SMYD3: variants seen among roughly 807,000 people sequenced by gnomAD.
The protein encoded by SMYD3 is SET and MYND domain containing 3.
SMYD3 carries 36 observed loss-of-function variants against 57.7 expected under a neutral mutation model. The observed-to-expected ratio is 0.62, with a 90% CI of 0.48 to 0.82. SMYD3 has a LOEUF of 0.82. Ranked by LOEUF, SMYD3 falls within the 40% of genes least tolerant of loss-of-function variation. SMYD3 has a pLI of 0.00. For synonymous variants in SMYD3, 211 were observed against 195.0 expected, an observed-to-expected ratio of 1.08 and a Z score of -0.68; for missense variants, 515 against 538.8, an observed-to-expected ratio of 0.96 and a Z score of 0.44.
At chr1:246,016,959 G>A (rs1558153932) in intron 5 of SMYD3, among the ~76,000 whole-genome samples, 1 of 151,944 alleles carries the variant, frequency 6.6e-6, no homozygotes, top group African/African-American at 2.4e-5. Flanking sequence ...TTTGTACCTA[G>A]TTAAAAACCC....
intron 8 of SMYD3, among the ~76,000 whole-genome samples, chr1:245,908,581 T>C (rs2054744412): frequency 6.6e-6 from 1 of 152,244 alleles, no homozygotes; most frequent in African/African-American, 2.4e-5. Flanking sequence ...GATACATTAG[T>C]CCTCTAAACA....
chr1:245,961,539 A>AAACGGAAG (rs60094354), intron 5 of SMYD3, among the ~76,000 whole-genome samples: 2 of 152,154 alleles, frequency 1.3e-5, no homozygotes, highest in African/African-American at 4.8e-5. Flanking sequence ...CTGGAGGCCT[A>AAACGGAAG]AATCATCCTT....
chr1:245,927,849 A>C, intron 7 of SMYD3, 82 bp downstream of exon 7: 1 of 1,068,744 alleles, frequency 9.4e-7, no homozygotes, highest in Non-Finnish European at 1.4e-6. Flanking sequence ...CCCCTCAGGC[A>C]CAATCAGTTT....
intron 5 of SMYD3, among the ~76,000 whole-genome samples, chr1:245,951,517 C>A (rs1007599683): frequency 1.5e-5 from 2 of 135,496 alleles, no homozygotes; most frequent in African/African-American, 6.1e-5. Flanking sequence ...TGCAGTGAGC[C>A]GAGATCGCGC....
chr1:245,849,707 C>T (rs1182401080), intron 10 of SMYD3, among the ~76,000 whole-genome samples: 2 of 152,004 alleles, frequency 1.3e-5, no homozygotes, highest in African/African-American at 4.8e-5. Flanking sequence ...GGTTAGAGTG[C>T]AACGACGTGA....
intron 5 of SMYD3, among the ~76,000 whole-genome samples, chr1:246,122,549 G>A (rs1309723829): frequency 6.6e-6 from 1 of 152,196 alleles, no homozygotes; most frequent in Non-Finnish European, 1.5e-5. Context: ...TTTCAAAAAT[G>A]ATTCACTAAA....
At chr1:246,356,058 T>C (rs905949260) in intron 1 of SMYD3, among the ~76,000 whole-genome samples, 1 of 151,980 alleles carries the variant, frequency 6.6e-6, no homozygotes, top group Non-Finnish European at 1.5e-5. Flanking sequence ...TAAACAAAAA[T>C]ACAACCAAGG....
chr1:246,266,217 GCTTT>G (rs1174224517), intron 5 of SMYD3, among the ~76,000 whole-genome samples: 3 of 152,032 alleles, frequency 2.0e-5, no homozygotes, highest in East Asian at 1.9e-4. Flanking sequence ...AGGAAGTTTG[GCTTT>G]CTTTTTTTGT....
chr1:246,169,339 G>A (rs1253217050), intron 5 of SMYD3, among the ~76,000 whole-genome samples: 1 of 76,664 alleles, frequency 1.3e-5, no homozygotes, highest in African/African-American at 4.9e-5. Flanking sequence ...TATAGAGAAG[G>A]AAAATTGGTC....
At chr1:246,185,449 C>CTTTTTTT (rs1183038960) in intron 5 of SMYD3, among the ~76,000 whole-genome samples, 1 of 80,048 alleles carries the variant, frequency 1.2e-5, no homozygotes. Flanking sequence ...GTTAGTGATT[C>CTTTTTTT]TTTTTTTTTT....
At chr1:246,050,690 T>G (rs535146711) in intron 5 of SMYD3, among the ~76,000 whole-genome samples, 133 of 152,248 alleles carry the variant, frequency 8.7e-4, no homozygotes, top group African/African-American at 3.0e-3. Flanking sequence ...CCGGAAGATT[T>G]TTGTTGTGTT....
At chr1:245,917,500 G>A (rs1296859497) in intron 7 of SMYD3, among the ~76,000 whole-genome samples, 1 of 152,106 alleles carries the variant, frequency 6.6e-6, no homozygotes, top group East Asian at 1.9e-4. Context: ...TGCTCCACCA[G>A]GCTGGCCTCC....
chr1:245,917,549 C>T (rs888628922), intron 7 of SMYD3, among the ~76,000 whole-genome samples: 2 of 152,130 alleles, frequency 1.3e-5, no homozygotes, highest in African/African-American at 4.8e-5. Flanking sequence ...AAGGCCTGTG[C>T]ACTGGCTGTT....
chr1:246,329,985 C>A (rs1245612021), intron 4 of SMYD3, among the ~76,000 whole-genome samples: 1 of 152,184 alleles, frequency 6.6e-6, no homozygotes, highest in African/African-American at 2.4e-5. Context: ...TAAGTCATCA[C>A]AAGAAGGTGG....
At chr1:246,356,336 A>G (rs1256779573) in intron 1 of SMYD3, among the ~76,000 whole-genome samples, 6 of 152,188 alleles carry the variant, frequency 3.9e-5, no homozygotes, top group African/African-American at 1.4e-4. Flanking sequence ...ACAGTCACCC[A>G]AATGAGAAGG....
At chr1:246,180,831 C>T (rs1475414336) in intron 5 of SMYD3, among the ~76,000 whole-genome samples, 2 of 129,276 alleles carry the variant, frequency 1.5e-5, no homozygotes, top group Non-Finnish European at 3.2e-5. Flanking sequence ...TGGGTAATCA[C>T]TATACCTAGT....
rs35759946 is a variant in SMYD3, at chr1:245,793,136, C to G, written c.1077-28987G>C. Among the ~76,000 whole-genome samples the G allele has an allele frequency of 1.0e-4, 15 of 146,284 alleles. No individual in the cohort carries two copies. In the South Asian group the frequency reaches 1.4e-3, roughly 13 times the overall value. ...CATCCTGGCTAACACGGTGAAACCC[C>G]GTCTCTACTAAAAATACAAAAAATG... On this transcript the variant is annotated intron_variant, in intron 10 of 11. Transcript: ENST00000490107.
intron 5 of SMYD3, among the ~76,000 whole-genome samples, chr1:246,166,297 A>G (rs2062209264): frequency 6.6e-6 from 1 of 152,084 alleles, no homozygotes; most frequent in Non-Finnish European, 1.5e-5. Flanking sequence ...AGTCCTAAAG[A>G]AAAAAAGGTA....
At chr1:246,264,622 A>G (rs935708860) in intron 5 of SMYD3, among the ~76,000 whole-genome samples, 26 of 152,250 alleles carry the variant, frequency 1.7e-4, no homozygotes, top group African/African-American at 6.0e-4. Flanking sequence ...AGTGCTTTAT[A>G]CACATTCTAT....
Sources: gnomAD v4.1 joint callset for allele counts (sites outside exome capture counted in the v4.1 genomes callset) on GRCh38, gnomAD v4.1.1 for gene constraint, MANE v1.5 for transcripts, NCBI Gene and HGNC (gene_info 2026-07-23, HGNC 2026-07-21) for gene names.